PUDP: variants seen among roughly 807,000 people sequenced by gnomAD.
PUDP encodes the protein pseudouridine-5'-phosphatase.
Under a neutral mutation model 9.4 loss-of-function variants are expected in PUDP, and 8 were observed. The observed-to-expected ratio is 0.85, with a 90% CI of 0.50 to 1.53. The LOEUF (loss-of-function observed/expected upper bound fraction) is 1.53, where lower values mean the gene tolerates loss of function less well. PUDP is among the 40% of genes most tolerant of loss of function. PUDP has a pLI of 0.00. For missense variants in PUDP, 188 were observed against 189.7 expected, an observed-to-expected ratio of 0.99 and a Z score of 0.05; for synonymous variants, 99 against 80.7, an observed-to-expected ratio of 1.23 and a Z score of -1.22.
chrX:7,119,354 C>A (rs2146913382), intron 1 of PUDP, among the ~76,000 whole-genome samples: 1 of 112,696 alleles, frequency 8.9e-6, no homozygotes, highest in African/African-American at 3.2e-5. Context: ...ACTTCCACAG[C>A]ACCGTGCTGT....
At chrX:6,925,136 A>G (rs1602675189) in intron 3 of PUDP, among the ~76,000 whole-genome samples, 2 of 112,425 alleles carry the variant, frequency 1.8e-5, no homozygotes, top group African/African-American at 6.5e-5. Context: ...CCAACATAGC[A>G]AAACCTTGTC....
At chrX:6,881,846 C>T (rs1569116292) in intron 3 of PUDP, among the ~76,000 whole-genome samples, 1 of 111,358 alleles carries the variant, frequency 9.0e-6, no homozygotes, top group Non-Finnish European at 1.9e-5. Flanking sequence ...AAATGAAAGA[C>T]AACAACTCTC....
chrX:7,068,418 T>C (rs1930632217), intron 3 of PUDP, among the ~76,000 whole-genome samples: 1 of 111,826 alleles, frequency 8.9e-6, no homozygotes, highest in Non-Finnish European at 1.9e-5. Context: ...TCTGCTTCCG[T>C]ATATCGTGCA....
intron 3 of PUDP, among the ~76,000 whole-genome samples, chrX:6,966,431 C>T (rs1040607357): frequency 1.8e-5 from 2 of 111,357 alleles, no homozygotes; most frequent in African/African-American, 6.5e-5. Context: ...TTATCTCACT[C>T]TGCCATTTCT....
intron 3 of PUDP, among the ~76,000 whole-genome samples, chrX:6,778,138 G>A (rs1209098692): frequency 6.3e-5 from 7 of 111,837 alleles, no homozygotes; most frequent in Admixed American, 5.7e-4. Flanking sequence ...GAAACAGCTC[G>A]ACAGACTGCT....
At chrX:6,805,328 G>A (rs1238112309) in intron 3 of PUDP, among the ~76,000 whole-genome samples, 1 of 110,472 alleles carries the variant, frequency 9.1e-6, no homozygotes, top group Non-Finnish European at 1.9e-5. Context: ...GTAGTTTACT[G>A]AAGGGTAAGT....
intron 3 of PUDP, among the ~76,000 whole-genome samples, chrX:6,778,038 A>G (rs145086642): frequency 8.9e-6 from 1 of 111,979 alleles, no homozygotes; most frequent in Non-Finnish European, 1.9e-5. Context: ...TCTTTTTTCC[A>G]GTAAAGATGC....
At chrX:6,783,239 C>G in intron 3 of PUDP, among the ~76,000 whole-genome samples, 1 of 111,819 alleles carries the variant, frequency 8.9e-6, no homozygotes, top group Admixed American at 9.5e-5. Flanking sequence ...GAAAATTAAT[C>G]CTTTATCACA....
At chrX:7,086,258 G>A (rs1931259957) in intron 2 of PUDP, among the ~76,000 whole-genome samples, 1 of 111,973 alleles carries the variant, frequency 8.9e-6, no homozygotes, top group Admixed American at 9.5e-5. Flanking sequence ...GTCTGGCTGT[G>A]TTTATCCTTG....
chrX:6,994,523 G>A (rs1439986669), intron 1 of PUDP, among the ~76,000 whole-genome samples: 2 of 112,077 alleles, frequency 1.8e-5, no homozygotes, highest in Non-Finnish European at 3.8e-5. Context: ...TGAAGGGGAG[G>A]TACTAAGACA....
At position 6,817,405 on chromosome X, in the gene PUDP, T is replaced by A. The variant is rs372304923; in HGVS notation, c.*248-110939A>T. ...TTTCAAGTATTTGAAAAGAGCTACC[T>A]TGTTGTATTAATTATCTGTCACTAT... On this transcript the variant is annotated intron_variant and NMD_transcript_variant, in intron 3 of 3. Coordinates refer to the PUDP transcript ENST00000655425. Among the ~76,000 whole-genome samples the A allele has an allele frequency of 2.7e-4, 30 of 111,789 alleles. No homozygotes were observed. The East Asian group carries it at 6.2e-3, about 23-fold the overall frequency.
intron 3 of PUDP, among the ~76,000 whole-genome samples, chrX:6,939,919 A>T (rs1928375383): frequency 1.8e-5 from 2 of 112,270 alleles, no homozygotes; most frequent in Non-Finnish European, 3.8e-5. Flanking sequence ...ATAGCTGTTA[A>T]AGAAGGAATC....
intron 1 of PUDP, among the ~76,000 whole-genome samples, chrX:7,006,003 G>A (rs1291721678): frequency 8.9e-6 from 1 of 111,948 alleles, no homozygotes; most frequent in Non-Finnish European, 1.9e-5. Flanking sequence ...TAACATATGT[G>A]AAAATTTTTT....
Position 6,752,056 on chromosome X carries a change from T to C in PUDP, c.*248-45590A>G, listed in dbSNP as rs7879929. Reference sequence around the variant, plus strand: ...TAGCAGGCAGGTGGTGCTTTATTCTTCTCAAATTGTTTCCCCAAGGGACCT... The same window carrying C: ...TAGCAGGCAGGTGGTGCTTTATTCTCCTCAAATTGTTTCCCCAAGGGACCT... On this transcript the variant is annotated intron_variant and NMD_transcript_variant, in intron 3 of 3. Transcript: ENST00000655425. Among the ~76,000 whole-genome samples the C allele has an allele frequency of 5.0e-3, 556 of 111,302 alleles. 4 individuals are homozygous for C. The highest frequency in any genetic ancestry group is 0.017 in the African/African-American group (525 of 30,583).
chrX:7,025,652 G>A lies in PUDP; in HGVS notation c.205-47309C>T, dbSNP rs140123460. Among the ~76,000 whole-genome samples the A allele has an allele frequency of 2.7e-3, 304 of 111,627 alleles. 1 individual carries two copies. The highest frequency in any genetic ancestry group is 9.1e-3 in the African/African-American group (281 of 30,727). On this transcript the variant is annotated intron_variant and NMD_transcript_variant, in intron 1 of 3. Coordinates refer to the PUDP transcript ENST00000655425. ...CTCAGAACTTCTCCAACTTTAAAGC[G>A]CCCTATTCTAAGAGAGAACTGTATT...
chrX:6,980,400 G>A (rs2049367120), intron 1 of PUDP, among the ~76,000 whole-genome samples: 1 of 110,839 alleles, frequency 9.0e-6, no homozygotes, highest in Admixed American at 9.7e-5. Flanking sequence ...TGTAGAGAAG[G>A]GGTCTTGCTC....
chrX:6,964,421 C>T (rs1280312190), intron 3 of PUDP, among the ~76,000 whole-genome samples: 2 of 111,950 alleles, frequency 1.8e-5, no homozygotes, highest in Non-Finnish European at 3.8e-5. Context: ...GCCTATAATC[C>T]CAGTACTTTG....
At chrX:6,977,242 C>G in exon 3 of PUDP, among the ~76,000 whole-genome samples, 1 of 111,609 alleles carries the variant, frequency 9.0e-6, no homozygotes, top group South Asian at 3.8e-4. Context: ...TGCCGCCTTA[C>G]CTTAGAGGAG....
At chrX:6,967,018 G>A (rs1928796072) in intron 3 of PUDP, among the ~76,000 whole-genome samples, 2 of 111,802 alleles carry the variant, frequency 1.8e-5, no homozygotes, top group African/African-American at 3.3e-5. Flanking sequence ...CTCTGGACTG[G>A]AAAGAGACGG....
Sources: gnomAD v4.1 joint callset for allele counts (sites outside exome capture counted in the v4.1 genomes callset) on GRCh38, gnomAD v4.1.1 for gene constraint, MANE v1.5 for transcripts, NCBI Gene and HGNC (gene_info 2026-07-23, HGNC 2026-07-21) for gene names.